Variants in CD1D observed in about 807,000 individuals in gnomAD.
The protein encoded by CD1D is antigen-presenting glycoprotein CD1d.
In CD1D, 40 loss-of-function variants were observed where a neutral mutation model predicts 42.1. The observed-to-expected ratio is 0.95, with a 90% confidence interval of 0.74 to 1.24. CD1D has a LOEUF of 1.24. Ranked by LOEUF, CD1D falls within the 50% of genes most tolerant of loss-of-function variation. The pLI, the probability that CD1D is intolerant of heterozygous loss-of-function variation, is 0.00. For missense variants in CD1D, 437 were observed against 416.5 expected (o/e 1.05, Z -0.43); for synonymous variants, 178 against 171.8 (o/e 1.04, Z -0.28).
rs775395068 is a variant in CD1D, at chr1:158,184,466, AGT to A, written c.*324_*325del. 1 of 433,950 alleles carries A rather than the reference AGT, an allele frequency of 2.3e-6. No individual in the cohort carries two copies. Among genetic ancestry groups the A allele is most frequent in the Non-Finnish European group, 4.2e-6 (1 of 239,424 alleles). The allele number at this position is 433,950 out of a possible 1,614,324, so 26.9% of individuals were successfully genotyped here. A position where few individuals can be genotyped will look rare whatever the true frequency, so the allele number is the denominator to read the frequency against. ...GGACAAGCAGGTAAGAGCTGATGTG[AGT>A]GTGTGTGATGGGATCTGTAAGGAAC... On this transcript the variant is annotated 3_prime_UTR_variant, in exon 6 of 6. Coordinates refer to ENST00000674085, the MANE Select transcript of CD1D (RefSeq NM_001371762.2).
intron 2 of CD1D, 131 bp downstream of exon 2, chr1:158,181,852 C>T: frequency 7.3e-7 from 1 of 1,373,660 alleles, no homozygotes; most frequent in Non-Finnish European, 1.0e-6. Context: ...TTCCCTTCTA[C>T]CTGGAGATGT....
In CD1D at chr1:158,181,058, GGCGGCGCGCA is replaced by G. The variant is rs781567737; in HGVS notation, c.-36_-27del. The G allele has an allele frequency of 1.3e-3, 1,969 of 1,509,058 alleles. 46 individuals carry two copies. In the South Asian group the frequency reaches 0.022, roughly 17 times the overall value. The allele number at this position is 1,509,058 out of a possible 1,614,324, so 93.5% of individuals were successfully genotyped here. On this transcript the variant is annotated 5_prime_UTR_variant, in exon 1 of 6. Coordinates refer to ENST00000674085, the MANE Select transcript of CD1D (RefSeq NM_001371762.2). ...GGGGAGAAGAGTGCGCAGGTCAGAGGGCGGCGCGCAGCGGCGCTCCGCGAGGTCCCCACGC... is the reference window on the plus strand; with the variant it reads ...GGGGAGAAGAGTGCGCAGGTCAGAGGGCGGCGCTCCGCGAGGTCCCCACGC...
upstream of CD1D, among the ~76,000 whole-genome samples, chr1:158,178,594 A>C (rs1486751121): frequency 6.6e-6 from 1 of 152,174 alleles, no homozygotes; most frequent in African/African-American, 2.4e-5. Flanking sequence ...CTCAAAATTG[A>C]GAGGCTGAAA....
Position 158,184,140 on chromosome 1 carries a change from G to A in CD1D, c.998G>A (p.Gly333Asp). The change falls in exon 6 of 6, where the codon GGC becomes GAC. Residue 333 changes from glycine to aspartate, a missense_variant. Physicochemically the swap from Gly to Asp is moderately conservative, Grantham distance 94. Transcript: ENST00000674085. Reference sequence around the variant, plus strand: ...CTATTCTCTCACAGTTCCTATCAGGGCGTCCTGTGACTCGCCTTGCCACAT... The same window carrying A: ...CTATTCTCTCACAGTTCCTATCAGGACGTCCTGTGACTCGCCTTGCCACAT... ...SRFKRQTSYQ[G>D]VL is the part of the protein sequence containing the mutation. 2 of 1,613,852 alleles carry A rather than the reference G, an allele frequency of 1.2e-6. No individual in the cohort carries two copies. The highest frequency in any genetic ancestry group is 8.5e-7 in the Non-Finnish European group (1 of 1,179,982).
In CD1D at chr1:158,182,096, C is replaced by T. The variant is rs775533162; in HGVS notation, c.393C>T (p.Phe131=). 1.9e-6 allele frequency: 3 copies of T among 1,614,110 alleles called. No individual in the cohort carries two copies. The highest frequency in any genetic ancestry group is 2.5e-6 in the Non-Finnish European group (3 of 1,179,994). The change falls in exon 3 of 6, where the codon TTC becomes TTT. Residue 131 remains phenylalanine (F), a synonymous_variant. Transcript: ENST00000674085. ...EVHPGNASNN[F]FHVAFQGKDI... ...ACCCTGGGAACGCCTCAAATAACTT[C>T]TTCCATGTAGCATTTCAAGGAAAAG...
At chr1:158,181,985 C>T (rs768038740) in intron 2 of CD1D, 47 bp from the exon 3 acceptor site, 2 of 1,539,740 alleles carry the variant, frequency 1.3e-6, no homozygotes, top group Non-Finnish European at 1.7e-6. Context: ...TTCATCTCTC[C>T]CAGTCTTTTA....
At chr1:158,181,906 C>G in intron 2 of CD1D, 126 bp from the exon 3 acceptor site, 1 of 1,366,256 alleles carries the variant, frequency 7.3e-7, no homozygotes, top group Non-Finnish European at 1.0e-6. Flanking sequence ...CCTGCCTACT[C>G]CAGGTCACTT....
In CD1D at chr1:158,181,631, C is replaced by G. The variant is rs1309581816; in HGVS notation, c.238C>G (p.Gln80Glu). ...GTCCCAGGGCACGTTCAGCGACCAG[C>G]AGTGGGAGACGCTGCAGCATATATT... The part of the protein sequence containing the change: ...PWSQGTFSDQ[Q>E]WETLQHIFRV... The change falls in exon 2 of 6, where the codon CAG becomes GAG. Residue 80 changes from glutamine (Q) to glutamate (E), a missense_variant. Coordinates refer to ENST00000674085, the MANE Select transcript of CD1D (RefSeq NM_001371762.2). 1.5e-5 allele frequency: 24 copies of G among 1,613,984 alleles called. No homozygotes were observed. Among genetic ancestry groups the G allele is most frequent in the Non-Finnish European group, 2.0e-5 (24 of 1,180,036 alleles).
chr1:158,181,896 C>T, intron 2 of CD1D, 136 bp from the exon 3 acceptor site: 1 of 1,341,916 alleles, frequency 7.5e-7, no homozygotes, highest in Non-Finnish European at 1.0e-6. Context: ...GTCCCTCGTT[C>T]CTGCCTACTC....
chr1:158,182,513 G>T, intron 3 of CD1D: 1 of 633,924 alleles, frequency 1.6e-6, no homozygotes, highest in Non-Finnish European at 2.8e-6. Flanking sequence ...AACAACTGGG[G>T]GTGAAAGGTG....
At chr1:158,181,904 C>A in intron 2 of CD1D, 128 bp from the exon 3 acceptor site, 3 of 1,362,208 alleles carry the variant, frequency 2.2e-6, no homozygotes, top group Non-Finnish European at 2.0e-6. Context: ...TTCCTGCCTA[C>A]TCCAGGTCAC....
In CD1D at chr1:158,184,578, G is replaced by A. The variant is rs568672070; in HGVS notation, c.*428G>A. 10 of 173,432 alleles carry A rather than the reference G, an allele frequency of 5.8e-5. No individual in the cohort carries two copies. The highest frequency in any genetic ancestry group is 2.2e-4 in the Admixed American group (4 of 17,892). The allele number at this position is 173,432 out of a possible 1,614,324, so 10.7% of individuals were successfully genotyped here. ...GTCAGGACCTGGCTTGGCTTTAACC[G>A]TTTTTCAAGAAAACTGGAAATCTGG... On this transcript the variant is annotated 3_prime_UTR_variant, in exon 6 of 6. Transcript: ENST00000674085.
At position 158,184,397 on chromosome 1, in the gene CD1D, C is replaced by G. The variant is rs956398538; in HGVS notation, c.*247C>G. On this transcript the variant is annotated 3_prime_UTR_variant, in exon 6 of 6. Coordinates refer to ENST00000674085, the MANE Select transcript of CD1D (RefSeq NM_001371762.2). ...ATAAGCCCAAATGGCTCTGTGAAAT[C>G]AGAAGTGCAAAGGTGTGCAAACTTG... is the stretch of plus-strand genomic sequence containing the variant. 1 of 565,774 alleles carries G rather than the reference C, an allele frequency of 1.8e-6. No individual in the cohort carries two copies. Among genetic ancestry groups the G allele is most frequent in the Non-Finnish European group, 3.1e-6 (1 of 318,850 alleles). 35.0% of individuals were successfully genotyped at this position (565,774 alleles called of 1,614,324 possible).
rs897869545 is a variant in CD1D, at chr1:158,181,060, C to T, written c.-42C>T. On this transcript the variant is annotated 5_prime_UTR_variant, in exon 1 of 6. Coordinates refer to ENST00000674085, the MANE Select transcript of CD1D (RefSeq NM_001371762.2). ...GGAGAAGAGTGCGCAGGTCAGAGGGCGGCGCGCAGCGGCGCTCCGCGAGGT... is the reference window on the plus strand; with the variant it reads ...GGAGAAGAGTGCGCAGGTCAGAGGGTGGCGCGCAGCGGCGCTCCGCGAGGT... 2.9e-5 allele frequency: 44 copies of T among 1,508,868 alleles called. No individual in the cohort carries two copies. The highest frequency in any genetic ancestry group is 5.2e-5 in the South Asian group (4 of 76,582). 93.5% of individuals were successfully genotyped at this position (1,508,868 alleles called of 1,614,324 possible).
upstream of CD1D, among the ~76,000 whole-genome samples, chr1:158,179,322 T>A (rs537150391): frequency 6.6e-6 from 1 of 152,328 alleles, no homozygotes; most frequent in African/African-American, 2.4e-5. Flanking sequence ...AAATTACACA[T>A]AATTAGATAG....
chr1:158,179,946 T>C (rs1010364572), upstream of CD1D: 1 of 152,214 alleles, frequency 6.6e-6, no homozygotes, highest in African/African-American at 2.4e-5. Flanking sequence ...CTAATGATTT[T>C]GTTTTCTACC....
intron 1 of CD1D, 67 bp from the exon 2 acceptor site, chr1:158,181,388 C>T: frequency 6.3e-7 from 1 of 1,585,472 alleles, no homozygotes; most frequent in Non-Finnish European, 8.6e-7. Context: ...TTTCTTTCTT[C>T]CTTCTCTTTA....
Position 158,182,071 on chromosome 1 carries a change from A to G in CD1D, c.368A>G (p.His123Arg). ...ELQVSAGCEV[H>R]PGNASNNFFH... ...CAGGTGTCCGCTGGCTGTGAGGTGC[A>G]CCCTGGGAACGCCTCAAATAACTTC... The change falls in exon 3 of 6, where the codon CAC becomes CGC. Residue 123 changes from histidine (H) to arginine (R), a missense_variant. Coordinates refer to ENST00000674085, the MANE Select transcript of CD1D (RefSeq NM_001371762.2). 6.2e-7 allele frequency: 1 copy of G among 1,613,414 alleles called. No individual in the cohort carries two copies. Among genetic ancestry groups the G allele is most frequent in the Non-Finnish European group, 8.5e-7 (1 of 1,179,596 alleles).
intron 4 of CD1D, 91 bp downstream of exon 4, chr1:158,183,247 C>G: frequency 6.8e-7 from 1 of 1,464,564 alleles, no homozygotes; most frequent in Non-Finnish European, 9.1e-7. Flanking sequence ...CTTGATATAC[C>G]CAGGTTAGAG....
Sources: gnomAD v4.1 joint callset for allele counts (sites outside exome capture counted in the v4.1 genomes callset) on GRCh38, gnomAD v4.1.1 for gene constraint, MANE v1.5 for transcripts, NCBI Gene and HGNC (gene_info 2026-07-23, HGNC 2026-07-21) for gene names.